The following DPYSL3 variants were observed in gnomAD, a reference collection of about 807,000 sequenced individuals.
DPYSL3 encodes dihydropyrimidinase like 3.
A neutral mutation model predicts 66.1 loss-of-function variants in DPYSL3; 16 were observed. The observed-to-expected ratio is 0.24, with a 90% CI of 0.16 to 0.37. The LOEUF is 0.37. Among genes scored for constraint, DPYSL3 ranks in the 10% least tolerant of loss-of-function variants. DPYSL3 has a pLI of 1.00. For missense variants in DPYSL3, 738 were observed against 916.2 expected, an observed-to-expected ratio of 0.81 and a Z score of 2.51; for synonymous variants, 338 against 345.1, an observed-to-expected ratio of 0.98 and a Z score of 0.23.
intron 6 of DPYSL3, among the ~76,000 whole-genome samples, chr5:147,410,199 C>CT (rs1221985434): frequency 6.6e-6 from 1 of 152,176 alleles, no homozygotes; most frequent in African/African-American, 2.4e-5. Context: ...GACACTTGTG[C>CT]TTCTGTCTTG....
chr5:147,491,754 AAAAAAAAGACC>A (rs886752025), intron 1 of DPYSL3, among the ~76,000 whole-genome samples: 12 of 152,104 alleles, frequency 7.9e-5, no homozygotes, highest in African/African-American at 2.9e-4. Flanking sequence ...GCAGGGAGAA[AAAAAAAAGACC>A]AAAAAAAGAC....
In DPYSL3 at chr5:147,395,726, A is replaced by T; in HGVS notation, c.1804-5T>A. The T allele has an allele frequency of 6.2e-7, 1 of 1,613,636 alleles. No homozygotes were observed. The highest frequency in any genetic ancestry group is 8.5e-7 in the Non-Finnish European group (1 of 1,180,002). On this transcript the variant is annotated splice_region_variant and splice_polypyrimidine_tract_variant and intron_variant, in intron 12 of 13. Coordinates refer to ENST00000343218, the MANE Select transcript of DPYSL3 (RefSeq NM_001197294.2). The stretch of plus-strand genomic sequence containing the variant: ...GACGGCATGCAGGTCTGCCATCTGC[A>T]GCCAGAGAAGAGCATGTCACCATTC...
chr5:147,455,775 G>A (rs966401884), intron 1 of DPYSL3, among the ~76,000 whole-genome samples: 27 of 151,554 alleles, frequency 1.8e-4, no homozygotes, highest in African/African-American at 4.6e-4. Flanking sequence ...AAAAAATACC[G>A]CTGCTGCTGC....
intron 1 of DPYSL3, among the ~76,000 whole-genome samples, chr5:147,495,479 G>A (rs1753486078): frequency 6.6e-6 from 1 of 152,182 alleles, no homozygotes; most frequent in Admixed American, 6.5e-5. Flanking sequence ...CAGATGACAT[G>A]ATTGTATATC....
At chr5:147,498,206 C>A (rs1432153403) in intron 1 of DPYSL3, among the ~76,000 whole-genome samples, 1 of 152,046 alleles carries the variant, frequency 6.6e-6, no homozygotes, top group Non-Finnish European at 1.5e-5. Context: ...TCTATTCCCG[C>A]ATTAGTTTGC....
At chr5:147,458,527 T>C (rs1752886206) in intron 1 of DPYSL3, among the ~76,000 whole-genome samples, 1 of 152,230 alleles carries the variant, frequency 6.6e-6, no homozygotes, top group South Asian at 2.1e-4. Flanking sequence ...ACTTTCTTAA[T>C]ACACTTGCTT....
At chr5:147,439,642 G>T (rs1172211238) in intron 1 of DPYSL3, among the ~76,000 whole-genome samples, 1 of 152,118 alleles carries the variant, frequency 6.6e-6, no homozygotes, top group African/African-American at 2.4e-5. Flanking sequence ...ACGAATTTAG[G>T]GGTAGGCAAA....
chr5:147,409,691 A>G (rs904181647), intron 6 of DPYSL3, among the ~76,000 whole-genome samples: 7 of 149,560 alleles, frequency 4.7e-5, no homozygotes, highest in African/African-American at 1.7e-4. Context: ...CCATTTCTTC[A>G]GCGTTACTGG....
chr5:147,480,520 T>C (rs534277197), intron 1 of DPYSL3, among the ~76,000 whole-genome samples: 2 of 152,136 alleles, frequency 1.3e-5, no homozygotes. Context: ...TAGACTGATA[T>C]GGCTATGTTA....
In DPYSL3 at chr5:147,404,639, C is replaced by A. The variant is rs141301053; in HGVS notation, c.1153+971G>T. On this transcript the variant is annotated intron_variant, in intron 8 of 13. Transcript: ENST00000343218. ...TTACCCAGCCTCACAACTGAGCCCA[C>A]GAGTCTGACACTGAGGATGAGAACC... Among the ~76,000 whole-genome samples the A allele has an allele frequency of 3.3e-3, 505 of 152,310 alleles. 2 individuals are homozygous for A. The highest frequency in any genetic ancestry group is 0.011 in the African/African-American group (438 of 41,560).
chr5:147,448,808 G>A (rs934105467), intron 1 of DPYSL3, among the ~76,000 whole-genome samples: 2 of 152,144 alleles, frequency 1.3e-5, no homozygotes, highest in Admixed American at 1.3e-4. Context: ...CCTTCTCCTA[G>A]TATTTGAGGA....
intron 1 of DPYSL3, among the ~76,000 whole-genome samples, chr5:147,496,271 T>C (rs1037466016): frequency 3.3e-5 from 5 of 152,220 alleles, no homozygotes; most frequent in African/African-American, 1.2e-4. Context: ...AAGACTTACA[T>C]GTTAGACCTA....
chr5:147,444,584 C>G (rs1752594662), intron 1 of DPYSL3, among the ~76,000 whole-genome samples: 1 of 152,146 alleles, frequency 6.6e-6, no homozygotes. Flanking sequence ...TACTTTGATT[C>G]TCCCATTTTG....
intron 1 of DPYSL3, chr5:147,473,369 T>G (rs1343315346): frequency 6.6e-6 from 1 of 152,190 alleles, no homozygotes; most frequent in East Asian, 1.9e-4. Flanking sequence ...ACATAATCTT[T>G]GAGACTCACT....
At chr5:147,495,972 G>A (rs1447936737) in intron 1 of DPYSL3, among the ~76,000 whole-genome samples, 2 of 152,168 alleles carry the variant, frequency 1.3e-5, no homozygotes, top group African/African-American at 4.8e-5. Flanking sequence ...CAAAGCTGGA[G>A]GCATCATGCT....
chr5:147,452,881 GCACACA>G (rs3995474), intron 1 of DPYSL3, among the ~76,000 whole-genome samples: 29,095 of 137,160 alleles, frequency 0.21, 2,891 homozygotes, highest in African/African-American at 0.28. Flanking sequence ...TGCATCGAAG[GCACACA>G]CACACACACA....
chr5:147,461,864 G>A (rs906493945), intron 1 of DPYSL3, among the ~76,000 whole-genome samples: 4 of 152,026 alleles, frequency 2.6e-5, no homozygotes, highest in Admixed American at 6.6e-5. Context: ...CAACTTCCAC[G>A]TTGGTTTCTT....
intron 5 of DPYSL3, 29 bp from the exon 6 acceptor site, chr5:147,412,717 T>C (rs752132463): frequency 3.6e-5 from 58 of 1,592,180 alleles, no homozygotes; most frequent in Non-Finnish European, 4.7e-5. Flanking sequence ...TTTGTCACTC[T>C]TGCAAGCACT....
intron 1 of DPYSL3, among the ~76,000 whole-genome samples, chr5:147,439,493 T>C (rs1752491149): frequency 6.6e-6 from 1 of 151,910 alleles, no homozygotes; most frequent in African/African-American, 2.4e-5. Flanking sequence ...ACCAGAGAAG[T>C]AGGCAGGGCC....
Sources: gnomAD v4.1 joint callset for allele counts (sites outside exome capture counted in the v4.1 genomes callset) on GRCh38, gnomAD v4.1.1 for gene constraint, MANE v1.5 for transcripts, NCBI Gene and HGNC (gene_info 2026-07-23, HGNC 2026-07-21) for gene names.